Variants in NEDD9 observed in about 807,000 individuals in gnomAD.
NEDD9 encodes enhancer of filamentation 1.
Under a neutral mutation model 76.6 loss-of-function variants are expected in NEDD9, and 26 were observed. That is an observed-to-expected ratio of 0.34 (90% CI 0.25 to 0.47). NEDD9 has a LOEUF of 0.47. NEDD9 is among the 20% of genes least tolerant of loss of function. The pLI is 1.00. For missense variants in NEDD9, 937 were observed against 1,058.5 expected, an observed-to-expected ratio of 0.89 and a Z score of 1.59; for synonymous variants, 392 against 414.2, an observed-to-expected ratio of 0.95 and a Z score of 0.65.
chr6:11,358,139 C>T (rs1035181022), intron 1 of NEDD9, among the ~76,000 whole-genome samples: 1 of 150,792 alleles, frequency 6.6e-6, no homozygotes, highest in African/African-American at 2.4e-5. Context: ...GTCCCAGCTA[C>T]TCGGGAGGCT....
chr6:11,369,441 A>T (rs2113567032), intron 1 of NEDD9, among the ~76,000 whole-genome samples: 1 of 152,344 alleles, frequency 6.6e-6, no homozygotes, highest in East Asian at 1.9e-4. Context: ...GTTAAATTTT[A>T]TTAGGAACTC....
At position 11,232,564 on chromosome 6, in the gene NEDD9, T is replaced by G. The variant is rs139762863; in HGVS notation, c.-49A>C. The G allele has an allele frequency of 7.6e-5, 123 of 1,614,040 alleles. No individual in the cohort carries two copies. Among genetic ancestry groups the G allele is most frequent in the Non-Finnish European group, 9.5e-5 (112 of 1,180,014 alleles). ...TTTTCCTACACTAGTTAAGACAGCATTAAGCACTGCGGTGCCCGCCCCTCC... is the reference window on the plus strand; with the variant it reads ...TTTTCCTACACTAGTTAAGACAGCAGTAAGCACTGCGGTGCCCGCCCCTCC... On this transcript the variant is annotated 5_prime_UTR_variant, in exon 1 of 7. The change abolishes an upstream ATG in the 5' untranslated region. Transcript: ENST00000379446.
At chr6:11,272,955 C>T (rs1760341749) in intron 3 of NEDD9, among the ~76,000 whole-genome samples, 1 of 152,114 alleles carries the variant, frequency 6.6e-6, no homozygotes, top group Non-Finnish European at 1.5e-5. Context: ...AATCACTTCC[C>T]TCTTGACCCT....
rs138517397 is a variant in NEDD9, at chr6:11,213,088, G to A, written c.459+193C>T. On this transcript the variant is annotated intron_variant, in intron 2 of 6. Transcript: ENST00000379446. The surrounding 1 kb of genome is among the most constrained non-coding windows in gnomAD (Gnocchi z 5.4). The stretch of plus-strand genomic sequence containing the variant: ...GGAAATCAACTGTACTCAGCACATG[G>A]TAGTTCAAAGAAGTTTTGCTGAATG... 5.9e-3 allele frequency among the ~76,000 whole-genome samples: 900 copies of A among 152,306 alleles called. 4 individuals carry two copies. Among genetic ancestry groups the A allele is most frequent in the African/African-American group, 0.021 (855 of 41,560 alleles).
At chr6:11,304,843 A>C (rs367555857) in intron 3 of NEDD9, among the ~76,000 whole-genome samples, 6 of 152,258 alleles carry the variant, frequency 3.9e-5, no homozygotes, top group African/African-American at 1.4e-4. Context: ...CATTAGGAGA[A>C]ATACCTAATG....
At chr6:11,310,728 T>A (rs1234243358) in intron 2 of NEDD9, among the ~76,000 whole-genome samples, 1 of 152,356 alleles carries the variant, frequency 6.6e-6, no homozygotes, top group African/African-American at 2.4e-5. Context: ...ACTTTCCCCA[T>A]GTTTTTCAAT....
intron 4 of NEDD9, 95 bp downstream of exon 4, chr6:11,192,250 G>A (rs550757845): frequency 1.5e-6 from 1 of 665,354 alleles, no homozygotes; most frequent in Non-Finnish European, 2.4e-6. Flanking sequence ...TGTTTTATTC[G>A]AGTGAACTAC....
chr6:11,345,491 T>A (rs1440681313), intron 1 of NEDD9, among the ~76,000 whole-genome samples: 2 of 151,616 alleles, frequency 1.3e-5, no homozygotes, highest in Non-Finnish European at 2.9e-5. Flanking sequence ...TGTGCTACAT[T>A]TGAACACCTT....
At chr6:11,202,193 T>C (rs973946471) in intron 2 of NEDD9, among the ~76,000 whole-genome samples, 1 of 152,228 alleles carries the variant, frequency 6.6e-6, no homozygotes, top group Non-Finnish European at 1.5e-5. Context: ...TTGGCATATG[T>C]GGGAAGTAAA....
Position 11,213,586 on chromosome 6 carries a change from G to C in NEDD9, c.154C>G (p.Gln52Glu). 3 of 1,614,170 alleles carry C rather than the reference G, an allele frequency of 1.9e-6. No individual in the cohort carries two copies. Among genetic ancestry groups the C allele is most frequent in the Non-Finnish European group, 2.5e-6 (3 of 1,180,032 alleles). ...GWWLCSLHGR[Q>E]GIVPGNRVKL... ...ACCCGGTTGCCTGGGACAATGCCTT[G>C]CCGACCGTGTAATGAGCACAGCCAC... The change falls in exon 2 of 7, where the codon CAA becomes GAA. Residue 52 changes from glutamine to glutamate, a missense_variant. Coordinates refer to ENST00000379446, the MANE Select transcript of NEDD9 (RefSeq NM_006403.4). The surrounding 1 kb of genome is among the most constrained non-coding windows in gnomAD (Gnocchi z 5.4).
rs894619174 is a variant in NEDD9, at chr6:11,319,449, TAC to T, written c.-152-13296_-152-13295del. 4.2e-4 allele frequency among the ~76,000 whole-genome samples: 60 copies of T among 144,230 alleles called. 1 individual carries two copies. Among genetic ancestry groups the T allele is most frequent in the African/African-American group, 1.2e-3 (46 of 38,532 alleles). 94.6% of individuals were successfully genotyped at this position (144,230 alleles called of 152,430 possible). A position where few individuals can be genotyped will look rare whatever the true frequency, so the allele number is the denominator to read the frequency against. On this transcript the variant is annotated intron_variant, in intron 2 of 3. Transcript: ENST00000397378. ...ACATGCACACTCACACACTAACATG[TAC>T]ACACACACTGGTACACACTCACACT... is the stretch of plus-strand genomic sequence containing the variant.
intron 3 of NEDD9, among the ~76,000 whole-genome samples, chr6:11,256,374 C>T (rs1290445261): frequency 6.6e-6 from 1 of 152,242 alleles, no homozygotes; most frequent in Non-Finnish European, 1.5e-5. Flanking sequence ...CTTGTGGAAA[C>T]ACTCCAGCCC....
At chr6:11,278,716 G>C (rs1307851807) in intron 3 of NEDD9, among the ~76,000 whole-genome samples, 1 of 152,162 alleles carries the variant, frequency 6.6e-6, no homozygotes, top group Non-Finnish European at 1.5e-5. Flanking sequence ...AGTCACCTGG[G>C]GAGTTGCAAA....
At chr6:11,200,916 G>T in intron 2 of NEDD9, 1 of 1,612,082 alleles carries the variant, frequency 6.2e-7, no homozygotes, top group Non-Finnish European at 8.5e-7. Flanking sequence ...GAGAAAGACG[G>T]CAAGCCTCCA....
At chr6:11,267,550 AG>A (rs967026648) in intron 3 of NEDD9, among the ~76,000 whole-genome samples, 3 of 152,224 alleles carry the variant, frequency 2.0e-5, no homozygotes, top group Admixed American at 2.0e-4. Context: ...TGGGCTTTTA[AG>A]GCTGTTGGAG....
Position 11,192,465 on chromosome 6 carries a change from G to C in NEDD9, c.562-19C>G. 1 of 1,570,288 alleles carries C rather than the reference G, an allele frequency of 6.4e-7. No homozygotes were observed. Reference sequence around the variant, plus strand: ...CGTATACCTGAAGAGAAACCCGTGAGTTACCCAGAATGGAAATGTCTTATA... The same window carrying C: ...CGTATACCTGAAGAGAAACCCGTGACTTACCCAGAATGGAAATGTCTTATA... On this transcript the variant is annotated intron_variant, in intron 3 of 6. Coordinates refer to ENST00000379446, the MANE Select transcript of NEDD9 (RefSeq NM_006403.4).
chr6:11,294,023 A>G (rs3067293), intron 3 of NEDD9, among the ~76,000 whole-genome samples: 6 of 77,298 alleles, frequency 7.8e-5, no homozygotes, highest in African/African-American at 1.1e-4. Context: ...GTGTGTGTGT[A>G]TGTGTGTATG....
chr6:11,287,466 T>C (rs988286071), intron 3 of NEDD9, among the ~76,000 whole-genome samples: 1 of 151,964 alleles, frequency 6.6e-6, no homozygotes, highest in Non-Finnish European at 1.5e-5. Context: ...TTAATGTCTG[T>C]GGACATAGGT....
chr6:11,367,473 T>A (rs1390798040), intron 1 of NEDD9, among the ~76,000 whole-genome samples: 2 of 152,212 alleles, frequency 1.3e-5, no homozygotes, highest in East Asian at 3.8e-4. Flanking sequence ...AAAGGAAATT[T>A]GATCAGTCTC....
Sources: allele counts gnomAD v4.1 joint callset (sites outside exome capture counted in the v4.1 genomes callset), GRCh38; gene constraint gnomAD v4.1.1; non-coding constraint Gnocchi (gnomAD v3.1); transcripts MANE v1.5; gene names NCBI Gene and HGNC (gene_info 2026-07-23, HGNC 2026-07-21).